KIF3C: variants seen among roughly 807,000 people sequenced by gnomAD.
The protein encoded by KIF3C is kinesin-like protein KIF3C.
A neutral mutation model predicts 67.7 loss-of-function variants in KIF3C; 12 were observed. That is an observed-to-expected ratio of 0.18 (90% CI 0.11 to 0.29). The LOEUF is 0.29. Among genes scored for constraint, KIF3C ranks in the 10% least tolerant of loss-of-function variants. The pLI is 1.00. For synonymous variants in KIF3C, 393 were observed against 426.2 expected (o/e 0.92, Z 0.96); for missense variants, 789 against 1,059.6 (o/e 0.74, Z 3.55).
At chr2:25,979,299 G>T (rs187655807) in intron 1 of KIF3C, among the ~76,000 whole-genome samples, 1 of 152,278 alleles carries the variant, frequency 6.6e-6, no homozygotes, top group Non-Finnish European at 1.5e-5. Context: ...AGCCTGGAAG[G>T]TCCCGGGGGT....
chr2:25,971,901 C>CTTTTTTTTTG (rs1173656634), intron 1 of KIF3C, among the ~76,000 whole-genome samples: 1 of 55,114 alleles, frequency 1.8e-5, no homozygotes, highest in Admixed American at 2.2e-4. Context: ...TTTTTTTTTA[C>CTTTTTTTTTG]TTTTTTGTAG....
chr2:25,958,782 A>G lies in KIF3C; in HGVS notation c.1546-2338T>C, dbSNP rs922623294. On this transcript the variant is annotated intron_variant, in intron 1 of 7. Transcript: ENST00000264712. The surrounding 1 kb of genome is among the most constrained non-coding windows in gnomAD (Gnocchi z 4.5). ...ACTCCAGCCTCACCAAGAGAATTCCAGCTCCCTGGGGGCCCGGTGCGGTGG... is the reference window on the plus strand; with the variant it reads ...ACTCCAGCCTCACCAAGAGAATTCCGGCTCCCTGGGGGCCCGGTGCGGTGG... Among the ~76,000 whole-genome samples, 13 of 152,184 alleles carry G rather than the reference A, an allele frequency of 8.5e-5. No homozygotes were observed. In the East Asian group the frequency reaches 2.5e-3, roughly 30 times the overall value.
At chr2:25,966,359 A>T (rs955453731) in intron 1 of KIF3C, among the ~76,000 whole-genome samples, 9 of 152,048 alleles carry the variant, frequency 5.9e-5, no homozygotes, top group Middle Eastern at 3.4e-3. Flanking sequence ...ACCCACCTTG[A>T]CCTTCCAAAG....
intron 1 of KIF3C, among the ~76,000 whole-genome samples, chr2:25,959,369 T>C (rs1468104763): frequency 6.6e-6 from 1 of 152,198 alleles, no homozygotes; most frequent in East Asian, 1.9e-4. Flanking sequence ...TCTGGGTCCC[T>C]GGACTTAGCT....
At chr2:25,945,178 T>C (rs1054773748) in intron 5 of KIF3C, among the ~76,000 whole-genome samples, 2 of 152,026 alleles carry the variant, frequency 1.3e-5, no homozygotes, top group African/African-American at 4.8e-5. Context: ...GGTATTCATT[T>C]AGAAGAGTTG....
rs564719477 is a variant in KIF3C, at chr2:25,928,124, G to A, written c.*854C>T. Reference sequence around the variant, plus strand: ...GAAATGATCGAAGCAGGCAGGAGCAGCCTCTTGAAAATGGGGAGTTGCCTT... The same window carrying A: ...GAAATGATCGAAGCAGGCAGGAGCAACCTCTTGAAAATGGGGAGTTGCCTT... On this transcript the variant is annotated 3_prime_UTR_variant, in exon 8 of 8. Transcript: ENST00000264712. 1 of 152,580 alleles carries A rather than the reference G, an allele frequency of 6.6e-6. No homozygotes were observed. The highest frequency in any genetic ancestry group is 2.1e-4 in the South Asian group (1 of 4,820). The allele number at this position is 152,580 out of a possible 1,614,324, so 9.5% of individuals were successfully genotyped here.
chr2:25,934,175 T>C (rs2090485753), intron 5 of KIF3C: 1 of 470,830 alleles, frequency 2.1e-6, no homozygotes. Flanking sequence ...GGTAAAGCCA[T>C]AGAAACAGAA....
chr2:25,970,892 G>A (rs1026262517), intron 1 of KIF3C, among the ~76,000 whole-genome samples: 3 of 149,768 alleles, frequency 2.0e-5, no homozygotes, highest in Admixed American at 6.7e-5. Context: ...TTGGGAGTCC[G>A]AGGCGGGTGG....
rs1050340069 is a variant in KIF3C, at chr2:25,955,409, G to A, written c.1770+132C>T. 5.1e-6 allele frequency: 5 copies of A among 973,996 alleles called. No individual in the cohort carries two copies. The South Asian group carries it at 6.6e-5, about 13-fold the overall frequency. 60.3% of individuals were successfully genotyped at this position (973,996 alleles called of 1,614,324 possible). Reference sequence around the variant, plus strand: ...CTGCCTCCCCCTGTTGCTCACCCCCGAGGCCAAGCCATGTCACTCAGGGGT... The same window carrying A: ...CTGCCTCCCCCTGTTGCTCACCCCCAAGGCCAAGCCATGTCACTCAGGGGT... On this transcript the variant is annotated intron_variant, in intron 3 of 7. Coordinates refer to ENST00000264712, the MANE Select transcript of KIF3C (RefSeq NM_002254.8). The surrounding 1 kb of genome is among the most constrained non-coding windows in gnomAD (Gnocchi z 5.0).
In KIF3C at chr2:25,927,851, A is replaced by T. The variant is rs2090425089; in HGVS notation, c.*1127T>A. On this transcript the variant is annotated 3_prime_UTR_variant, in exon 8 of 8. Transcript: ENST00000264712. The stretch of plus-strand genomic sequence containing the variant: ...TTTTGGGCCATCACAAAGGAAGGTA[A>T]GGAGTATCCCCCTAGGAACCAATTT... The T allele has an allele frequency of 6.6e-6, 1 of 152,622 alleles. No homozygotes were observed. Among genetic ancestry groups the T allele is most frequent in the African/African-American group, 2.4e-5 (1 of 41,448 alleles). 9.5% of individuals were successfully genotyped at this position (152,622 alleles called of 1,614,324 possible). A position where few individuals can be genotyped will look rare whatever the true frequency, so the allele number is the denominator to read the frequency against.
intron 1 of KIF3C, among the ~76,000 whole-genome samples, chr2:25,963,615 G>T (rs1319353867): frequency 1.3e-5 from 2 of 151,356 alleles, no homozygotes; most frequent in Non-Finnish European, 2.9e-5. Context: ...TTAAACTACT[G>T]CCAGCAGTAA....
intron 1 of KIF3C, among the ~76,000 whole-genome samples, chr2:25,963,144 A>ATG (rs769083088): frequency 0.052 from 5,001 of 96,440 alleles, 255 homozygotes; most frequent in Non-Finnish European, 0.06. Context: ...ATATATGCAT[A>ATG]TATGTGTGTG....
Position 25,962,938 on chromosome 2 carries a change from A to G in KIF3C, c.1546-6494T>C, listed in dbSNP as rs1664013501. ...ATATATATAATATATAATACATATA[A>G]TATATAATATATAATATATAATATA... On this transcript the variant is annotated intron_variant, in intron 1 of 7. Coordinates refer to ENST00000264712, the MANE Select transcript of KIF3C (RefSeq NM_002254.8). 6.0e-5 allele frequency among the ~76,000 whole-genome samples: 2 copies of G among 33,330 alleles called. 1 individual carries two copies. Among genetic ancestry groups the G allele is most frequent in the African/African-American group, 5.8e-4 (2 of 3,420 alleles). The allele number at this position is 33,330 out of a possible 152,430, so 21.9% of individuals were successfully genotyped here.
chr2:25,962,796 T>A (rs547622714), intron 1 of KIF3C, among the ~76,000 whole-genome samples: 182 of 78,656 alleles, frequency 2.3e-3, no homozygotes, highest in African/African-American at 5.3e-3. Flanking sequence ...ATAATATATA[T>A]TATATAATAT....
chr2:25,929,379 G>A lies in KIF3C; in HGVS notation c.2214C>T (p.His738=), dbSNP rs2090438938. ...HDQEQDPRAL[H]MERLMRLDSF... ...TGTCCAATCGCATGAGCCTCTCCAT[G>A]TGTAGCGCACGAGGGTCTTGTTCTT... The change falls in exon 7 of 8, where the codon CAC becomes CAT. Residue 738 remains histidine, a synonymous_variant. Transcript: ENST00000264712. 2 of 1,614,178 alleles carry A rather than the reference G, an allele frequency of 1.2e-6. No homozygotes were observed. Among genetic ancestry groups the A allele is most frequent in the South Asian group, 2.2e-5 (2 of 91,080 alleles).
intron 4 of KIF3C, among the ~76,000 whole-genome samples, chr2:25,953,119 A>G (rs539062129): frequency 6.6e-6 from 1 of 151,520 alleles, no homozygotes; most frequent in South Asian, 2.1e-4. Flanking sequence ...AAATGCAAAC[A>G]TTAGTCAGGT....
rs56124128 is a variant in KIF3C, at chr2:25,963,198, T to TATATATATA, written c.1546-6755_1546-6754insTATATATAT. On this transcript the variant is annotated intron_variant, in intron 1 of 7. Transcript: ENST00000264712. ...TGTATATATATATATATATATATATTTTTTTTTTTTTTTTTTTTTTTTTTA... is the reference window on the plus strand; with the variant it reads ...TGTATATATATATATATATATATATTATATATATATTTTTTTTTTTTTTTTTTTTTTTTA... Among the ~76,000 whole-genome samples, 20 of 26,568 alleles carry TATATATATA rather than the reference T, an allele frequency of 7.5e-4. 1 individual carries two copies. The highest frequency in any genetic ancestry group is 4.3e-3 in the Admixed American group (6 of 1,384). The allele number at this position is 26,568 out of a possible 152,430, so 17.4% of individuals were successfully genotyped here.
At chr2:25,964,178 T>G (rs985646883) in intron 1 of KIF3C, among the ~76,000 whole-genome samples, 2 of 151,954 alleles carry the variant, frequency 1.3e-5, no homozygotes, top group Non-Finnish European at 2.9e-5. Flanking sequence ...CATGGTGGCG[T>G]GCACCTGGAA....
chr2:25,949,231 G>T (rs948187077), intron 5 of KIF3C, among the ~76,000 whole-genome samples: 1 of 152,086 alleles, frequency 6.6e-6, no homozygotes, highest in Non-Finnish European at 1.5e-5. Context: ...CTGGTGAAGG[G>T]TATACGAGAA....
Sources: allele counts gnomAD v4.1 joint callset (sites outside exome capture counted in the v4.1 genomes callset), GRCh38; gene constraint gnomAD v4.1.1; non-coding constraint Gnocchi (gnomAD v3.1); transcripts MANE v1.5; gene names NCBI Gene and HGNC (gene_info 2026-07-23, HGNC 2026-07-21).